ZNF407: variants seen among roughly 807,000 people sequenced by gnomAD.
ZNF407 encodes the protein zinc finger protein 407.
In ZNF407, 17 loss-of-function variants were observed where a neutral mutation model predicts 131.2. The ratio of observed to expected loss-of-function variants is 0.13; its 90% CI spans 0.09 to 0.19. The LOEUF is 0.19. Ranked by LOEUF, ZNF407 falls within the 10% of genes least tolerant of loss-of-function variation. The probability of loss-of-function intolerance (pLI) is 1.00; values close to 1 mark genes in which losing one functional copy is unlikely to be tolerated. For synonymous variants in ZNF407, 1,156 were observed against 1,062.0 expected, an observed-to-expected ratio of 1.09 and a Z score of -1.72; for missense variants, 2,681 against 2,830.6, an observed-to-expected ratio of 0.95 and a Z score of 1.20.
chr18:74,660,635 T>C (rs553374497), intron 3 of ZNF407, among the ~76,000 whole-genome samples: 18 of 152,268 alleles, frequency 1.2e-4, no homozygotes, highest in Non-Finnish European at 2.5e-4. Context: ...TTCATATTCC[T>C]TTCCTATGTT....
intron 4 of ZNF407, among the ~76,000 whole-genome samples, chr18:74,837,548 C>T (rs1230675289): frequency 3.9e-5 from 6 of 152,014 alleles, no homozygotes; most frequent in South Asian, 2.1e-4. Context: ...GAGTAACATG[C>T]GCTCATTGAA....
intron 6 of ZNF407, among the ~76,000 whole-genome samples, chr18:74,885,248 T>A (rs1007096739): frequency 6.6e-6 from 1 of 152,068 alleles, no homozygotes; most frequent in African/African-American, 2.4e-5. Context: ...TGTGCATCTG[T>A]TTGTCAATTG....
At chr18:74,701,236 A>T (rs1335268668) in intron 3 of ZNF407, among the ~76,000 whole-genome samples, 1 of 152,152 alleles carries the variant, frequency 6.6e-6, no homozygotes, top group Non-Finnish European at 1.5e-5. Flanking sequence ...CTGTTAGGGC[A>T]GCCCGAGCAG....
intron 3 of ZNF407, among the ~76,000 whole-genome samples, chr18:74,686,425 C>T (rs9944849): frequency 0.082 from 12,446 of 152,246 alleles, 678 homozygotes; most frequent in African/African-American, 0.15. Flanking sequence ...ATCAGTGAAA[C>T]TTTCCACACT....
intron 7 of ZNF407, among the ~76,000 whole-genome samples, chr18:74,893,686 A>G (rs180874485): frequency 5.7e-4 from 87 of 152,300 alleles, no homozygotes; most frequent in African/African-American, 2.0e-3. Flanking sequence ...CACAGCATAA[A>G]TGAATTTGAA....
chr18:75,007,519 C>CT (rs1972925668), intron 8 of ZNF407, among the ~76,000 whole-genome samples: 1 of 152,208 alleles, frequency 6.6e-6, no homozygotes, highest in East Asian at 1.9e-4. Flanking sequence ...TCTGCTGCTC[C>CT]TTTTTTCCTA....
chr18:74,783,341 C>T (rs1969643523), intron 4 of ZNF407, among the ~76,000 whole-genome samples: 1 of 152,010 alleles, frequency 6.6e-6, no homozygotes. Flanking sequence ...CCCAACTGTA[C>T]TTTTAAATAG....
intron 3 of ZNF407, among the ~76,000 whole-genome samples, chr18:74,693,610 T>C (rs150208445): frequency 6.6e-6 from 1 of 152,304 alleles, no homozygotes. Flanking sequence ...AGTCGTTTTG[T>C]TCCTCTGTAT....
intron 8 of ZNF407, among the ~76,000 whole-genome samples, chr18:74,985,974 A>G (rs1482570102): frequency 1.3e-5 from 2 of 152,158 alleles, no homozygotes; most frequent in Non-Finnish European, 2.9e-5. Flanking sequence ...AATGAAAATA[A>G]TTTCTTGTTG....
Position 74,616,472 on chromosome 18 carries a change from T to C in ZNF407, c.-53-14495T>C, listed in dbSNP as rs979092255. Among the ~76,000 whole-genome samples the C allele has an allele frequency of 3.9e-3, 596 of 152,160 alleles. 1 individual carries two copies. Among genetic ancestry groups the C allele is most frequent in the African/African-American group, 0.014 (566 of 41,468 alleles). On this transcript the variant is annotated intron_variant, in intron 1 of 8. Coordinates refer to ENST00000299687, the MANE Select transcript of ZNF407 (RefSeq NM_017757.3). ...GAGGTTTATATTCTTTTGACCCTTC[T>C]GACAGTTTCTAGAGATGTTGTAGAG...
At chr18:75,010,213 C>A (rs977644493) in intron 8 of ZNF407, among the ~76,000 whole-genome samples, 3 of 152,298 alleles carry the variant, frequency 2.0e-5, no homozygotes, top group South Asian at 2.1e-4. Flanking sequence ...CCACATATTT[C>A]CCCCTGTCTA....
At chr18:74,993,293 C>T (rs1016441914) in intron 8 of ZNF407, among the ~76,000 whole-genome samples, 2 of 152,038 alleles carry the variant, frequency 1.3e-5, no homozygotes, top group Admixed American at 6.6e-5. Context: ...ACAATTCATC[C>T]GTAACATGGA....
chr18:74,745,616 A>G (rs1167380101), intron 3 of ZNF407, among the ~76,000 whole-genome samples: 2 of 152,122 alleles, frequency 1.3e-5, no homozygotes, highest in African/African-American at 2.4e-5. Flanking sequence ...GAACTTACGT[A>G]TTTGTTTTAT....
Position 74,710,399 on chromosome 18 carries a change from A to G in ZNF407, c.4802+69277A>G, listed in dbSNP as rs191002919. On this transcript the variant is annotated intron_variant, in intron 3 of 8. Coordinates refer to ENST00000299687, the MANE Select transcript of ZNF407 (RefSeq NM_017757.3). Reference sequence around the variant, plus strand: ...TTTCTTACTGTTTGACTAGACATGCATAATTGCACATGTTCTTCCTGTGCT... The same window carrying G: ...TTTCTTACTGTTTGACTAGACATGCGTAATTGCACATGTTCTTCCTGTGCT... Among the ~76,000 whole-genome samples, 298 of 152,330 alleles carry G rather than the reference A, an allele frequency of 2.0e-3. 1 individual carries two copies. Among genetic ancestry groups the G allele is most frequent in the South Asian group, 0.014 (66 of 4,828 alleles).
At chr18:74,704,936 A>G (rs1187795510) in intron 3 of ZNF407, among the ~76,000 whole-genome samples, 2 of 152,334 alleles carry the variant, frequency 1.3e-5, no homozygotes, top group East Asian at 1.9e-4. Flanking sequence ...ATGCTTTTAC[A>G]TGAAGATTCG....
intron 3 of ZNF407, among the ~76,000 whole-genome samples, chr18:74,767,686 C>T (rs1969269569): frequency 8.0e-6 from 1 of 125,136 alleles, no homozygotes; most frequent in Non-Finnish European, 1.6e-5. Context: ...TGGAGTCTCG[C>T]TCTGTTGCCC....
intron 8 of ZNF407, among the ~76,000 whole-genome samples, chr18:74,967,521 C>T (rs1457579463): frequency 6.6e-6 from 1 of 152,072 alleles, no homozygotes; most frequent in Non-Finnish European, 1.5e-5. Context: ...TCTGTCTTGC[C>T]TCTTCAATCA....
chr18:75,029,246 T>C (rs1973208713), intron 8 of ZNF407, among the ~76,000 whole-genome samples: 1 of 152,258 alleles, frequency 6.6e-6, no homozygotes, highest in Non-Finnish European at 1.5e-5. Flanking sequence ...CATAGAACTG[T>C]TGCCCTTCAA....
intron 1 of ZNF407, among the ~76,000 whole-genome samples, chr18:74,613,224 C>T (rs564401283): frequency 2.0e-5 from 3 of 152,236 alleles, no homozygotes; most frequent in South Asian, 4.1e-4. Context: ...GGGGAATCAA[C>T]GTTTGCCTAT....
Sources: allele counts gnomAD v4.1 joint callset (sites outside exome capture counted in the v4.1 genomes callset), GRCh38; gene constraint gnomAD v4.1.1; transcripts MANE v1.5; gene names NCBI Gene and HGNC (gene_info 2026-07-23, HGNC 2026-07-21).